Variants in BMPR2 observed in about 807,000 individuals in gnomAD.
BMPR2 encodes the protein bone morphogenetic protein receptor type 2, also known as bone morphogenetic protein receptor type-2.
A neutral mutation model predicts 100.8 loss-of-function variants in BMPR2; 29 were observed. The ratio of observed to expected loss-of-function variants is 0.29; its 90% CI spans 0.21 to 0.39. The LOEUF (loss-of-function observed/expected upper bound fraction) is 0.39. Among genes scored for constraint, BMPR2 ranks in the 10% least tolerant of loss-of-function variants. The probability of loss-of-function intolerance (pLI) is 1.00; values close to 1 mark genes in which losing one functional copy is unlikely to be tolerated. For synonymous variants in BMPR2, 382 were observed against 442.3 expected, an observed-to-expected ratio of 0.86 and a Z score of 1.71; for missense variants, 1,011 against 1,274.5, an observed-to-expected ratio of 0.79 and a Z score of 3.15.
At chr2:202,499,930 A>G (rs922298349) in intron 3 of BMPR2, among the ~76,000 whole-genome samples, 1 of 152,186 alleles carries the variant, frequency 6.6e-6, no homozygotes, top group Non-Finnish European at 1.5e-5. Flanking sequence ...TGTTATCAGT[A>G]TGGTTTACTA....
At chr2:202,538,477 A>C (rs1172668389) in intron 9 of BMPR2, among the ~76,000 whole-genome samples, 2 of 149,566 alleles carry the variant, frequency 1.3e-5, no homozygotes, top group Non-Finnish European at 3.0e-5. Flanking sequence ...AAAAGAAGGA[A>C]CTATTCAGAG....
intron 1 of BMPR2, among the ~76,000 whole-genome samples, chr2:202,393,933 G>GAT (rs1407746690): frequency 3.2e-4 from 39 of 121,676 alleles, no homozygotes; most frequent in Non-Finnish European, 7.0e-5. Context: ...GAGAGAGAGA[G>GAT]ATTCCTGTGA....
chr2:202,539,735 A>C (rs561128176), intron 9 of BMPR2, among the ~76,000 whole-genome samples: 1 of 152,230 alleles, frequency 6.6e-6, no homozygotes, highest in East Asian at 1.9e-4. Context: ...AAAGGAAGAA[A>C]GAATAAGTGT....
At chr2:202,554,109 A>G (rs1688524643) in intron 11 of BMPR2, among the ~76,000 whole-genome samples, 1 of 152,222 alleles carries the variant, frequency 6.6e-6, no homozygotes, top group Admixed American at 6.5e-5. Flanking sequence ...TATACCTTGT[A>G]TATCAGCAAA....
intron 12 of BMPR2, 77 bp from the exon 13 acceptor site, chr2:202,559,618 CT>C: frequency 6.7e-7 from 1 of 1,501,830 alleles, no homozygotes; most frequent in Non-Finnish European, 9.2e-7. Flanking sequence ...TTGGTTTGAC[CT>C]TTTCTTGAGT....
intron 1 of BMPR2, among the ~76,000 whole-genome samples, chr2:202,464,125 C>T (rs536117523): frequency 1.6e-4 from 23 of 143,874 alleles, no homozygotes; most frequent in Non-Finnish European, 2.7e-4. Context: ...TGCCATTGCA[C>T]TCCAGCCTGG....
intron 1 of BMPR2, among the ~76,000 whole-genome samples, chr2:202,457,555 TATATATAG>T (rs1362565807): frequency 7.7e-4 from 77 of 99,986 alleles, no homozygotes; most frequent in African/African-American, 2.2e-3. Context: ...TATATATATA[TATATATAG>T]AGAGAGAGAG....
chr2:202,516,353 C>G (rs1687711389), intron 5 of BMPR2, among the ~76,000 whole-genome samples: 1 of 152,008 alleles, frequency 6.6e-6, no homozygotes, highest in South Asian at 2.1e-4. Context: ...TGATATAAAT[C>G]AAGATGAAAG....
chr2:202,458,303 A>AC (rs1559044761), intron 1 of BMPR2, among the ~76,000 whole-genome samples: 2 of 149,750 alleles, frequency 1.3e-5, no homozygotes, highest in Non-Finnish European at 3.0e-5. Context: ...AAAAAAAAAA[A>AC]AAAAACGCAC....
intron 1 of BMPR2, among the ~76,000 whole-genome samples, chr2:202,424,980 A>T (rs981807201): frequency 3.3e-5 from 5 of 151,532 alleles, no homozygotes; most frequent in African/African-American, 1.2e-4. Context: ...TTCCCCAGAG[A>T]TGGAGTCTCG....
chr2:202,416,248 T>G (rs1214269467), intron 1 of BMPR2, among the ~76,000 whole-genome samples: 1 of 151,700 alleles, frequency 6.6e-6, no homozygotes, highest in Non-Finnish European at 1.5e-5. Context: ...TGAGAAAATT[T>G]GAATGGAGGA....
chr2:202,387,881 G>A (rs1303997413), intron 1 of BMPR2, among the ~76,000 whole-genome samples: 2 of 152,122 alleles, frequency 1.3e-5, no homozygotes, highest in Non-Finnish European at 2.9e-5. Context: ...TGATAAGAAA[G>A]GCAAGATTAA....
At chr2:202,442,718 TTC>T (rs898643192) in intron 1 of BMPR2, among the ~76,000 whole-genome samples, 2 of 150,712 alleles carry the variant, frequency 1.3e-5, no homozygotes, top group Admixed American at 1.3e-4. Flanking sequence ...ACTGGTACAC[TTC>T]TCTTAGCATA....
chr2:202,515,158 C>G (rs1687690619), intron 5 of BMPR2, among the ~76,000 whole-genome samples, 179 bp downstream of exon 5: 1 of 152,032 alleles, frequency 6.6e-6, no homozygotes. Flanking sequence ...TCTCCTGGGG[C>G]TTCTATTTGA....
intron 3 of BMPR2, among the ~76,000 whole-genome samples, chr2:202,478,337 A>G (rs907088153): frequency 3.9e-5 from 6 of 152,236 alleles, no homozygotes; most frequent in African/African-American, 1.4e-4. Flanking sequence ...TTAAGTGTCA[A>G]TGAGTCAACC....
chr2:202,559,599 C>T, intron 12 of BMPR2, 97 bp from the exon 13 acceptor site: 1 of 1,309,184 alleles, frequency 7.6e-7, no homozygotes, highest in South Asian at 1.3e-5. Flanking sequence ...TTAGCACCCT[C>T]CTGAGACATT....
intron 1 of BMPR2, among the ~76,000 whole-genome samples, chr2:202,377,986 C>G (rs1021594342): frequency 1.3e-5 from 2 of 152,198 alleles, no homozygotes; most frequent in Non-Finnish European, 2.9e-5. Flanking sequence ...AGAGAACACA[C>G]ACTTGAACCT....
At chr2:202,534,456 T>C (rs1688088776) in intron 9 of BMPR2, among the ~76,000 whole-genome samples, 1 of 151,404 alleles carries the variant, frequency 6.6e-6, no homozygotes, top group South Asian at 2.1e-4. Context: ...GGAGTGGTGA[T>C]GACTCTTAAC....
At chr2:202,494,447 C>T (rs945879741) in intron 3 of BMPR2, among the ~76,000 whole-genome samples, 1 of 152,212 alleles carries the variant, frequency 6.6e-6, no homozygotes, top group Admixed American at 6.5e-5. Flanking sequence ...GACAGAACGC[C>T]TCCAGTAGTG....
Sources: gnomAD v4.1 joint callset for allele counts (sites outside exome capture counted in the v4.1 genomes callset) on GRCh38, gnomAD v4.1.1 for gene constraint, MANE v1.5 for transcripts, NCBI Gene and HGNC (gene_info 2026-07-23, HGNC 2026-07-21) for gene names.